Variants in TIAM2 observed in about 807,000 individuals in gnomAD.
The protein encoded by TIAM2 is TIAM Rac1 associated GEF 2, also known as rho guanine nucleotide exchange factor TIAM2.
In TIAM2, 80 loss-of-function variants were observed where a neutral mutation model predicts 152.9. The observed-to-expected ratio is 0.52, with a 90% CI of 0.44 to 0.63. The LOEUF (loss-of-function observed/expected upper bound fraction) is 0.63. Ranked by LOEUF, TIAM2 falls within the 30% of genes least tolerant of loss-of-function variation. The probability of loss-of-function intolerance (pLI) is 0.00; values close to 1 mark genes in which losing one functional copy is unlikely to be tolerated. For missense variants in TIAM2, 1,965 were observed against 2,120.1 expected (o/e 0.93, Z 1.44); for synonymous variants, 804 against 838.0 (o/e 0.96, Z 0.70).
In TIAM2 at chr6:155,129,279, C is replaced by G; in HGVS notation, c.56C>G (p.Thr19Ser). The change falls in exon 4 of 27, where the codon ACT becomes AGT. Residue 19 changes from threonine to serine, a missense_variant. Thr to Ser is a moderately conservative substitution (Grantham distance 58, BLOSUM62 1). Around this residue, in one of 3 missense-constraint regions of TIAM2, gnomAD observed 1,025 missense variants for 1,119.4 expected, o/e 0.92. Coordinates refer to ENST00000682666, the MANE Select transcript of TIAM2 (RefSeq NM_012454.4). This position sits in a 1 kb window ranked among gnomAD's most constrained non-coding sequence, Gnocchi z 4.8. ...TLQGSKNHSN[T>S]ITGAKQIPCS... ...CAAGGATCTAAAAATCATAGCAATA[C>G]TATTACTGGTGCTAAGCAAATTCCT... 1 of 1,614,214 alleles carries G rather than the reference C, an allele frequency of 6.2e-7. No homozygotes were observed. Among genetic ancestry groups the G allele is most frequent in the Non-Finnish European group, 8.5e-7 (1 of 1,180,046 alleles).
chr6:155,029,480 AT>A (rs374873129), intron 1 of TIAM2, among the ~76,000 whole-genome samples: 5,592 of 10,822 alleles, frequency 0.52, 1,523 homozygotes, highest in Middle Eastern at 0.9. Flanking sequence ...ACTATAGTAT[AT>A]ATACTATAGT....
intron 5 of TIAM2, among the ~76,000 whole-genome samples, chr6:155,144,131 C>G (rs73575633): frequency 0.012 from 1,864 of 152,272 alleles, 35 homozygotes; most frequent in African/African-American, 0.042. Flanking sequence ...AACACTGAAG[C>G]CCTCAACATC....
At chr6:155,183,749 A>T (rs1780968415) in intron 14 of TIAM2, among the ~76,000 whole-genome samples, 2 of 152,076 alleles carry the variant, frequency 1.3e-5, no homozygotes, top group African/African-American at 4.8e-5. Flanking sequence ...AAAATCATGG[A>T]CTCTTTAAAA....
chr6:155,100,284 A>C (rs1583189555), intron 2 of TIAM2, among the ~76,000 whole-genome samples: 1 of 152,198 alleles, frequency 6.6e-6, no homozygotes, highest in African/African-American at 2.4e-5. Flanking sequence ...AGGAGGCAGG[A>C]GCAGGTGGCC....
At position 155,172,668 on chromosome 6, in the gene TIAM2, ATATATATATATATATATATTTTTTTTTT is replaced by A. The variant is rs1397628629; in HGVS notation, c.2362-4146_2362-4119del. ...TATATATATATATATATATATATAT[ATATATATATATATATATATTTTTTTTTT>A]TTTTTTTTTTTTTTTTCTTTGATGG... On this transcript the variant is annotated intron_variant, in intron 9 of 26. Coordinates refer to ENST00000682666, the MANE Select transcript of TIAM2 (RefSeq NM_012454.4). 3.3e-3 allele frequency among the ~76,000 whole-genome samples: 36 copies of A among 10,872 alleles called. 1 individual carries two copies. The highest frequency in any genetic ancestry group is 0.032 in the East Asian group (13 of 408). The allele number at this position is 10,872 out of a possible 152,430, so 7.1% of individuals were successfully genotyped here.
intron 1 of TIAM2, among the ~76,000 whole-genome samples, chr6:155,078,853 G>A (rs1275964826): frequency 6.6e-6 from 1 of 152,124 alleles, no homozygotes; most frequent in Non-Finnish European, 1.5e-5. Flanking sequence ...TTTCCGTTAG[G>A]TGTGTTTTGT....
intron 14 of TIAM2, among the ~76,000 whole-genome samples, chr6:155,184,329 A>G (rs1219205526): frequency 6.6e-6 from 1 of 152,164 alleles, no homozygotes; most frequent in Non-Finnish European, 1.5e-5. Context: ...GAATTTTAAA[A>G]CTTTGTGAAG....
At position 155,137,577 on chromosome 6, in the gene TIAM2, G is replaced by A. The variant is rs1490827882; in HGVS notation, c.1595G>A (p.Arg532Gln). 9 of 1,606,576 alleles carry A rather than the reference G, an allele frequency of 5.6e-6. No homozygotes were observed. The highest frequency in any genetic ancestry group is 2.2e-5 in the East Asian group (1 of 44,862). The change falls in exon 5 of 27, where the codon CGA becomes CAA. Residue 532 changes from arginine to glutamine, a missense_variant. Physicochemically the swap from Arg to Gln is conservative, Grantham distance 43. This residue lies in a region of TIAM2 where 1,025 missense variants were observed against 1,119.4 expected (regional missense o/e 0.92). Coordinates refer to ENST00000682666, the MANE Select transcript of TIAM2 (RefSeq NM_012454.4). ...QKERKLELVA[R>Q]RKWKQYWVTL... is the part of the protein sequence containing the mutation. ...GAAAGGAAGCTTGAGCTGGTGGCAC[G>A]AAGGAAATGGAAACAGTACTGGGTA...
chr6:155,148,218 A>T lies in TIAM2; in HGVS notation c.1912A>T (p.Asn638Tyr). The stretch of plus-strand genomic sequence containing the variant: ...AGAGGACACGCTGCGGCTGCTGAAG[A>T]ACCAGACCAAAAACCTGCTTCAGAA... The part of the protein sequence containing the change: ...GKEDTLRLLK[N>Y]QTKNLLQKID... The change falls in exon 7 of 27, where the codon AAC becomes TAC. Residue 638 changes from asparagine (N) to tyrosine (Y), a missense_variant. By Grantham distance (143) the Asn-to-Tyr change is moderately radical. Transcript: ENST00000682666. 1 of 1,613,178 alleles carries T rather than the reference A, an allele frequency of 6.2e-7. No individual in the cohort carries two copies. Among genetic ancestry groups the T allele is most frequent in the Non-Finnish European group, 8.5e-7 (1 of 1,180,024 alleles).
chr6:155,001,580 T>C (rs1778313510), intron 1 of TIAM2, among the ~76,000 whole-genome samples: 1 of 152,254 alleles, frequency 6.6e-6, no homozygotes, highest in Admixed American at 6.5e-5. Context: ...TCCTGGATGT[T>C]ACATGGCCTG....
chr6:155,151,670 G>A (rs1202286948), intron 7 of TIAM2, among the ~76,000 whole-genome samples: 1 of 152,114 alleles, frequency 6.6e-6, no homozygotes, highest in East Asian at 1.9e-4. Context: ...TAATCAGGCA[G>A]CAGCTTGGAG....
At chr6:155,194,712 G>A (rs1389651469) in intron 14 of TIAM2, among the ~76,000 whole-genome samples, 1 of 152,180 alleles carries the variant, frequency 6.6e-6, no homozygotes, top group Admixed American at 6.5e-5. Context: ...CTCAGAATAT[G>A]AGAAAGAAGA....
intron 1 of TIAM2, among the ~76,000 whole-genome samples, chr6:155,081,116 A>G (rs1395411565): frequency 6.6e-6 from 1 of 152,210 alleles, no homozygotes; most frequent in Admixed American, 6.5e-5. Context: ...GACAGCTTTG[A>G]AAAAGAAAGA....
intron 2 of TIAM2, among the ~76,000 whole-genome samples, chr6:155,108,102 C>T (rs1232477604): frequency 6.6e-6 from 1 of 152,110 alleles, no homozygotes; most frequent in Non-Finnish European, 1.5e-5. Flanking sequence ...TTGTTGTGGC[C>T]TTTTGTCACA....
intron 1 of TIAM2, among the ~76,000 whole-genome samples, chr6:155,007,894 G>A (rs549545289): frequency 1.3e-5 from 2 of 152,204 alleles, no homozygotes; most frequent in Non-Finnish European, 2.9e-5. Flanking sequence ...TCACTGCAGC[G>A]TGGCATTTTC....
chr6:155,073,495 C>T (rs995962264), intron 1 of TIAM2, among the ~76,000 whole-genome samples: 4 of 152,216 alleles, frequency 2.6e-5, no homozygotes, highest in Admixed American at 6.5e-5. Flanking sequence ...GAAGGGCCTG[C>T]GTCCATAGCC....
intron 12 of TIAM2, among the ~76,000 whole-genome samples, chr6:155,180,053 G>A (rs1780861523): frequency 6.6e-6 from 1 of 152,234 alleles, no homozygotes; most frequent in Admixed American, 6.5e-5. Flanking sequence ...GCCAAGGCGG[G>A]CAGATCACCT....
chr6:155,027,296 G>A (rs948797672), intron 1 of TIAM2, among the ~76,000 whole-genome samples: 1 of 149,842 alleles, frequency 6.7e-6, no homozygotes, highest in Non-Finnish European at 1.5e-5. Flanking sequence ...AAAGTGTTGG[G>A]ATTACAGGCA....
chr6:155,207,639 C>T (rs756797608), intron 14 of TIAM2, among the ~76,000 whole-genome samples: 2 of 152,174 alleles, frequency 1.3e-5, no homozygotes, highest in African/African-American at 2.4e-5. Flanking sequence ...AGAGAAAATC[C>T]GGTGGCACCC....
Sources: allele counts gnomAD v4.1 joint callset (sites outside exome capture counted in the v4.1 genomes callset), GRCh38; gene constraint gnomAD v4.1.1; regional missense constraint gnomAD v4.1.1; non-coding constraint Gnocchi (gnomAD v3.1); transcripts MANE v1.5; gene names NCBI Gene and HGNC (gene_info 2026-07-23, HGNC 2026-07-21).